The following SLC24A2 variants were observed in gnomAD, a reference collection of about 807,000 sequenced individuals.
SLC24A2 encodes solute carrier family 24 member 2, also known as sodium/potassium/calcium exchanger 2.
SLC24A2 carries 36 observed loss-of-function variants against 62.0 expected under a neutral mutation model. The observed-to-expected ratio is 0.58, with a 90% CI of 0.44 to 0.77. SLC24A2 has a LOEUF of 0.77. SLC24A2 is among the 30% of genes least tolerant of loss of function. The pLI, the probability that SLC24A2 is intolerant of heterozygous loss-of-function variation, is 0.00. For missense variants in SLC24A2, 846 were observed against 817.9 expected (o/e 1.03, Z -0.42); for synonymous variants, 358 against 294.0 (o/e 1.22, Z -2.23).
chr9:19,773,901 G>C (rs73646163), intron 2 of SLC24A2, among the ~76,000 whole-genome samples: 3,685 of 152,256 alleles, frequency 0.024, 157 homozygotes, highest in African/African-American at 0.084. Context: ...TTCAGAGATA[G>C]GGAACTATTT....
intron 9 of SLC24A2, among the ~76,000 whole-genome samples, chr9:19,525,389 TA>T (rs759083708): frequency 0.015 from 1,437 of 93,736 alleles, 83 homozygotes; most frequent in African/African-American, 0.048. Flanking sequence ...CCTATTTCTT[TA>T]CTTTTTTTTT....
At chr9:19,837,620 G>C in the SLC24A2 span, among the ~76,000 whole-genome samples, 1 of 151,956 alleles carries the variant, frequency 6.6e-6, no homozygotes, top group African/African-American at 2.4e-5. Flanking sequence ...AAAAAAGGAA[G>C]TCAAATTGTC....
At chr9:19,997,402 T>C in the SLC24A2 span, among the ~76,000 whole-genome samples, 3 of 152,214 alleles carry the variant, frequency 2.0e-5, no homozygotes, top group African/African-American at 7.2e-5. Flanking sequence ...GACTTTCATA[T>C]GGAAGTGGAC....
the SLC24A2 span, among the ~76,000 whole-genome samples, chr9:20,239,403 G>C: frequency 1.3e-5 from 2 of 152,192 alleles, no homozygotes; most frequent in African/African-American, 4.8e-5. Flanking sequence ...AACCACAACT[G>C]AGGCTCTGGT....
chr9:19,980,907 G>A, the SLC24A2 span, among the ~76,000 whole-genome samples: 38 of 152,190 alleles, frequency 2.5e-4, no homozygotes, highest in African/African-American at 2.9e-4. Flanking sequence ...TCAATCCATG[G>A]GACGGATAAC....
the SLC24A2 span, among the ~76,000 whole-genome samples, chr9:19,973,786 A>T: frequency 2.0e-5 from 3 of 152,200 alleles, no homozygotes; most frequent in Non-Finnish European, 4.4e-5. Flanking sequence ...TACAATTTCA[A>T]AATAATTAAC....
the SLC24A2 span, among the ~76,000 whole-genome samples, chr9:20,092,881 A>C: frequency 1.3e-5 from 2 of 152,210 alleles, no homozygotes; most frequent in Non-Finnish European, 2.9e-5. Context: ...AGAAGAAGAA[A>C]GTAGAATGAT....
At chr9:20,306,809 G>A in the SLC24A2 span, among the ~76,000 whole-genome samples, 42 of 152,224 alleles carry the variant, frequency 2.8e-4, no homozygotes, top group African/African-American at 8.7e-4. Context: ...CGATTCTCCC[G>A]CCTCAGCCTC....
chr9:19,906,216 C>A, the SLC24A2 span, among the ~76,000 whole-genome samples: 2 of 152,116 alleles, frequency 1.3e-5, no homozygotes, highest in African/African-American at 4.8e-5. Context: ...ACAACCTGCT[C>A]CTGAATGACT....
At chr9:19,869,782 A>T in the SLC24A2 span, among the ~76,000 whole-genome samples, 1 of 152,230 alleles carries the variant, frequency 6.6e-6, no homozygotes, top group African/African-American at 2.4e-5. Flanking sequence ...CTTCTTAAAA[A>T]GTTAAAATAA....
At chr9:20,126,955 A>G in the SLC24A2 span, among the ~76,000 whole-genome samples, 1 of 152,208 alleles carries the variant, frequency 6.6e-6, no homozygotes, top group African/African-American at 2.4e-5. Flanking sequence ...CAGAGGGAAT[A>G]GCCATGCCTA....
chr9:19,704,015 T>C (rs536173923), intron 2 of SLC24A2, among the ~76,000 whole-genome samples: 1 of 152,290 alleles, frequency 6.6e-6, no homozygotes, highest in South Asian at 2.1e-4. Context: ...CAGTGTTTGA[T>C]CATATAGGGC....
At chr9:19,528,961 A>G (rs879497599) in intron 8 of SLC24A2, among the ~76,000 whole-genome samples, 1 of 152,202 alleles carries the variant, frequency 6.6e-6, no homozygotes, top group Non-Finnish European at 1.5e-5. Flanking sequence ...TAGCCAAAAA[A>G]TCAGACACTT....
At chr9:19,823,000 C>A in the SLC24A2 span, among the ~76,000 whole-genome samples, 1 of 152,090 alleles carries the variant, frequency 6.6e-6, no homozygotes, top group Non-Finnish European at 1.5e-5. Context: ...ACCCACCCTT[C>A]CCACTCCTCC....
At chr9:20,026,919 C>G in the SLC24A2 span, among the ~76,000 whole-genome samples, 1 of 152,040 alleles carries the variant, frequency 6.6e-6, no homozygotes, top group African/African-American at 2.4e-5. Flanking sequence ...TGCAAACTAT[C>G]CATCTGACCA....
intron 2 of SLC24A2, among the ~76,000 whole-genome samples, chr9:19,697,997 A>G (rs555974364): frequency 6.6e-6 from 1 of 152,330 alleles, no homozygotes; most frequent in South Asian, 2.1e-4. Flanking sequence ...ATGAACAAAA[A>G]TGTTTTAATA....
chr9:19,974,972 C>G, the SLC24A2 span, among the ~76,000 whole-genome samples: 1 of 152,152 alleles, frequency 6.6e-6, no homozygotes, highest in Admixed American at 6.6e-5. Flanking sequence ...GGGAGGAAGG[C>G]TCCTTTTTAT....
At chr9:19,555,974 T>C (rs560611614) in intron 7 of SLC24A2, among the ~76,000 whole-genome samples, 4 of 152,272 alleles carry the variant, frequency 2.6e-5, no homozygotes, top group Admixed American at 2.6e-4. Context: ...AGAATATACA[T>C]GTTATTCTAA....
the SLC24A2 span, among the ~76,000 whole-genome samples, chr9:20,200,671 C>T: frequency 6.6e-6 from 1 of 152,168 alleles, no homozygotes; most frequent in African/African-American, 2.4e-5. Flanking sequence ...CAAAAGAGGC[C>T]TAGAAGCTTC....
Sources: gnomAD v4.1 joint callset for allele counts (sites outside exome capture counted in the v4.1 genomes callset) on GRCh38, gnomAD v4.1.1 for gene constraint, MANE v1.5 for transcripts, NCBI Gene and HGNC (gene_info 2026-07-23, HGNC 2026-07-21) for gene names.